APAF1: variants seen among roughly 807,000 people sequenced by gnomAD.
The protein encoded by APAF1 is apoptotic peptidase activating factor 1, also known as apoptotic protease-activating factor 1.
In APAF1, 91 loss-of-function variants were observed where a neutral mutation model predicts 152.4. That is an observed-to-expected ratio of 0.60 (90% confidence interval 0.50 to 0.71). The LOEUF is 0.71. Among genes scored for constraint, APAF1 ranks in the 30% least tolerant of loss-of-function variants. APAF1 has a pLI of 0.00. For missense variants in APAF1, 1,283 were observed against 1,472.0 expected (o/e 0.87, Z 2.10); for synonymous variants, 484 against 494.1 (o/e 0.98, Z 0.27).
chr12:98,648,382 G>C lies in APAF1; in HGVS notation c.23G>C (p.Cys8Ser). 13 of 1,614,100 alleles carry C rather than the reference G, an allele frequency of 8.1e-6. No homozygotes were observed. Among genetic ancestry groups the C allele is most frequent in the Non-Finnish European group, 1.1e-5 (13 of 1,179,988 alleles). The change falls in exon 2 of 27, where the codon TGT (cysteine) becomes TCT (serine). Residue 8 changes from cysteine (C) to serine (S), a missense_variant. Transcript: ENST00000551964. ...AAGATGGATGCAAAAGCTCGAAATT[G>C]TTTGCTTCAACATAGAGAAGCTCTG... MDAKARN[C>S]LLQHREALEK... is the part of the protein sequence containing the mutation.
chr12:98,727,105 T>C, intron 25 of APAF1, 68 bp from the exon 26 acceptor site: 8 of 1,419,904 alleles, frequency 5.6e-6, no homozygotes, highest in Non-Finnish European at 7.9e-6. Context: ...TATGGACATA[T>C]ATATGTTTTA....
intron 7 of APAF1, among the ~76,000 whole-genome samples, chr12:98,663,080 T>A (rs1156542147): frequency 6.6e-6 from 1 of 152,228 alleles, no homozygotes; most frequent in East Asian, 1.9e-4. Context: ...CTGTTAGAGT[T>A]AAAAATAGAG....
chr12:98,665,675 G>T lies in APAF1; in HGVS notation c.1078G>T (p.Asp360Tyr). ...FKRIRKSSSY[D>Y]YEALDEAMSI... The stretch of plus-strand genomic sequence containing the variant: ...GAGAATAAGGAAATCTTCGTCTTAT[G>T]ATTATGAGGCTCTAGATGAAGCCAT... Residue 360 changes from aspartate (D) to tyrosine (Y), a missense_variant, in exon 8 of 27, where the codon GAT becomes TAT. Asp to Tyr is a radical substitution (Grantham distance 160). Transcript: ENST00000551964. 1 of 1,613,984 alleles carries T rather than the reference G, an allele frequency of 6.2e-7. No homozygotes were observed. Among genetic ancestry groups the T allele is most frequent in the Non-Finnish European group, 8.5e-7 (1 of 1,179,948 alleles).
Position 98,685,924 on chromosome 12 carries a change from G to A in APAF1, c.2179-824G>A, listed in dbSNP as rs548492139. On this transcript the variant is annotated intron_variant, in intron 15 of 26. Transcript: ENST00000551964. ...AGTGCTGGGATTACAGGGGTGAGCC[G>A]CCATGTCCAGCCTGAATAGAGGATT... 6.6e-5 allele frequency among the ~76,000 whole-genome samples: 10 copies of A among 152,194 alleles called. No homozygotes were observed. The South Asian group carries it at 2.1e-3, about 32-fold the overall frequency.
chr12:98,726,195 G>C (rs1378848565), intron 25 of APAF1, among the ~76,000 whole-genome samples: 2 of 152,006 alleles, frequency 1.3e-5, no homozygotes, highest in African/African-American at 4.8e-5. Flanking sequence ...ATATAATTTT[G>C]ACTTTTAGAA....
intron 5 of APAF1, 35 bp downstream of exon 5, chr12:98,659,378 C>T: frequency 6.2e-7 from 1 of 1,602,164 alleles, no homozygotes; most frequent in Non-Finnish European, 8.6e-7. Flanking sequence ...TGTGTCAGGT[C>T]CCATGTCCCA....
chr12:98,651,938 C>T (rs1038858562), intron 4 of APAF1, among the ~76,000 whole-genome samples: 19 of 152,128 alleles, frequency 1.2e-4, no homozygotes, highest in Admixed American at 9.2e-4. Context: ...CCTCAGCCTC[C>T]GGAGTAGCTG....
intron 22 of APAF1, among the ~76,000 whole-genome samples, chr12:98,722,906 T>TG (rs1044513702): frequency 2.4e-4 from 33 of 137,170 alleles, no homozygotes; most frequent in East Asian, 1.8e-3. Context: ...ATATTGTGTG[T>TG]TTTTTTTTTT....
In APAF1 at chr12:98,687,921, C is replaced by T. The variant is rs925521014; in HGVS notation, c.2304+1048C>T. Among the ~76,000 whole-genome samples the T allele has an allele frequency of 2.6e-5, 4 of 152,216 alleles. 1 individual carries two copies. The highest frequency in any genetic ancestry group is 2.9e-5 in the Non-Finnish European group (2 of 68,018). ...CTGCCTCCTGGGTTCAAGCGATTCT[C>T]GTGCCCCAGTCTCCCAAGTAGATAG... is the stretch of plus-strand genomic sequence containing the variant. On this transcript the variant is annotated intron_variant, in intron 16 of 26. Transcript: ENST00000551964.
At chr12:98,702,351 C>T (rs554114837) in intron 17 of APAF1, among the ~76,000 whole-genome samples, 84 of 152,216 alleles carry the variant, frequency 5.5e-4, no homozygotes, top group African/African-American at 1.9e-3. Context: ...AGGCGTGAGC[C>T]ACCGTGCCTG....
At chr12:98,668,107 TA>T in intron 10 of APAF1, among the ~76,000 whole-genome samples, 1 of 152,304 alleles carries the variant, frequency 6.6e-6, no homozygotes, top group South Asian at 2.1e-4. Context: ...TTTATGTAGT[TA>T]AATTTACCAC....
intron 3 of APAF1, 113 bp from the exon 4 acceptor site, chr12:98,649,374 C>A: frequency 7.2e-7 from 1 of 1,388,200 alleles, no homozygotes; most frequent in South Asian, 1.3e-5. Flanking sequence ...TTCTTAACTT[C>A]TCTTGGAAAT....
chr12:98,679,028 G>C (rs1479065466), intron 13 of APAF1, among the ~76,000 whole-genome samples: 2 of 152,194 alleles, frequency 1.3e-5, no homozygotes, highest in African/African-American at 4.8e-5. Context: ...CCACCTTCAG[G>C]CCACAAAGGG....
intron 8 of APAF1, 26 bp downstream of exon 8, chr12:98,665,817 T>C (rs780750349): frequency 6.5e-7 from 1 of 1,535,034 alleles, no homozygotes; most frequent in East Asian, 2.3e-5. Flanking sequence ...ATCCTCATCA[T>C]TGGGTATTTA....
intron 26 of APAF1, among the ~76,000 whole-genome samples, chr12:98,730,105 T>A (rs988607441): frequency 2.6e-5 from 4 of 152,192 alleles, no homozygotes; most frequent in Non-Finnish European, 4.4e-5. Context: ...TCAATAAAAA[T>A]TTTTTTAAAA....
rs917012585 is a variant in APAF1, at chr12:98,648,806, A to G, written c.319A>G (p.Thr107Ala). The stretch of plus-strand genomic sequence containing the variant: ...TGGTAAAGATTCAGTTAGTGGAATA[A>G]CTTCGTATGGTTTGTATCCATTATA... The part of the protein sequence containing the change: ...SSGKDSVSGI[T>A]SYVRTVLCEG... Residue 107 changes from threonine (T) to alanine (A), a missense_variant, in exon 3 of 27, where the codon ACT becomes GCT. By Grantham distance (58) the Thr-to-Ala change is moderately conservative (BLOSUM62 0). Transcript: ENST00000551964. The G allele has an allele frequency of 6.8e-6, 11 of 1,613,670 alleles. No individual in the cohort carries two copies. In the Admixed American group the frequency reaches 1.3e-4, roughly 20 times the overall value.
Position 98,649,617 on chromosome 12 carries a change from T to C in APAF1, c.459T>C (p.His153=). Residue 153 remains histidine (H), a synonymous_variant, in exon 4 of 27, where the codon CAT becomes CAC. Coordinates refer to ENST00000551964, the MANE Select transcript of APAF1 (RefSeq NM_181861.2). ...LKGEPGWVTI[H]GMAGCGKSVL... ...GTGAACCAGGATGGGTCACCATACA[T>C]GGAATGGCAGGCTGTGGGAAGTCTG... 1.2e-6 allele frequency: 2 copies of C among 1,614,168 alleles called. No homozygotes were observed. The highest frequency in any genetic ancestry group is 1.7e-6 in the Non-Finnish European group (2 of 1,180,014).
chr12:98,718,358 G>A (rs1033371053), intron 22 of APAF1, among the ~76,000 whole-genome samples: 20 of 151,934 alleles, frequency 1.3e-4, no homozygotes, highest in African/African-American at 4.4e-4. Flanking sequence ...TCAGCCTCCT[G>A]AGTAGCTGGG....
At chr12:98,659,481 G>A (rs1255585839) in intron 5 of APAF1, 138 bp downstream of exon 5, 5 of 951,358 alleles carry the variant, frequency 5.3e-6, no homozygotes, top group Non-Finnish European at 8.3e-6. Context: ...GCCAGGTGCA[G>A]TGGCTCACGC....
Sources: gnomAD v4.1 joint callset for allele counts (sites outside exome capture counted in the v4.1 genomes callset) on GRCh38, gnomAD v4.1.1 for gene constraint, MANE v1.5 for transcripts, NCBI Gene and HGNC (gene_info 2026-07-23, HGNC 2026-07-21) for gene names.